The following CBFA2T2 variants were observed in gnomAD, a reference collection of about 807,000 sequenced individuals.
The protein encoded by CBFA2T2 is protein CBFA2T2.
A neutral mutation model predicts 62.2 loss-of-function variants in CBFA2T2; 11 were observed. That is an observed-to-expected ratio of 0.18 (90% CI 0.11 to 0.29). CBFA2T2 has a LOEUF of 0.29. CBFA2T2 is among the 10% of genes least tolerant of loss of function. CBFA2T2 has a pLI of 1.00. For synonymous variants in CBFA2T2, 295 were observed against 287.5 expected, an observed-to-expected ratio of 1.03 and a Z score of -0.27; for missense variants, 592 against 774.1, an observed-to-expected ratio of 0.76 and a Z score of 2.79.
chr20:33,507,648 C>T (rs993772624), intron 1 of CBFA2T2, among the ~76,000 whole-genome samples: 3 of 152,094 alleles, frequency 2.0e-5, no homozygotes, highest in Non-Finnish European at 4.4e-5. Flanking sequence ...CATATAATGT[C>T]GGTAGGTAAA....
At chr20:33,553,271 C>A (rs539156110) in intron 1 of CBFA2T2, among the ~76,000 whole-genome samples, 1 of 152,130 alleles carries the variant, frequency 6.6e-6, no homozygotes, top group Non-Finnish European at 1.5e-5. Flanking sequence ...GTTACCCAGG[C>A]GGGAGTGCAA....
chr20:33,582,704 A>C (rs1380885515), intron 1 of CBFA2T2, among the ~76,000 whole-genome samples: 1 of 151,928 alleles, frequency 6.6e-6, no homozygotes, highest in African/African-American at 2.4e-5. Context: ...CATTTTGGGA[A>C]GCCAAGGCAG....
At chr20:33,583,119 A>T (rs1011499830) in intron 1 of CBFA2T2, among the ~76,000 whole-genome samples, 1 of 152,040 alleles carries the variant, frequency 6.6e-6, no homozygotes, top group African/African-American at 2.4e-5. Flanking sequence ...GTGTTGCTAT[A>T]TATTTATCTG....
At chr20:33,636,258 CAAA>C (rs34178424) in intron 8 of CBFA2T2, among the ~76,000 whole-genome samples, 2 of 75,104 alleles carry the variant, frequency 2.7e-5, no homozygotes, top group Admixed American at 1.4e-4. Flanking sequence ...GACTCCGTCT[CAAA>C]AAAAAAAAAA....
At chr20:33,536,271 C>T (rs1157300765) in intron 1 of CBFA2T2, among the ~76,000 whole-genome samples, 5 of 147,150 alleles carry the variant, frequency 3.4e-5, no homozygotes, top group African/African-American at 9.7e-5. Flanking sequence ...CCTCATCTCC[C>T]AGACGGGGCG....
chr20:33,627,185 C>A (rs1284343838), intron 6 of CBFA2T2, among the ~76,000 whole-genome samples: 1 of 152,062 alleles, frequency 6.6e-6, no homozygotes, highest in Non-Finnish European at 1.5e-5. Context: ...ATCGTGAGGT[C>A]AGGAGATCGA....
intron 1 of CBFA2T2, among the ~76,000 whole-genome samples, chr20:33,553,880 G>A (rs939486861): frequency 3.3e-5 from 5 of 152,022 alleles, no homozygotes; most frequent in African/African-American, 9.7e-5. Context: ...TTAAAGTAAT[G>A]TAAAATACAA....
At chr20:33,552,048 T>C (rs1400246368) in intron 1 of CBFA2T2, among the ~76,000 whole-genome samples, 1 of 151,936 alleles carries the variant, frequency 6.6e-6, no homozygotes, top group Non-Finnish European at 1.5e-5. Flanking sequence ...ATTTTCAAGA[T>C]CACTTTTGAG....
intron 1 of CBFA2T2, among the ~76,000 whole-genome samples, chr20:33,536,597 A>G (rs1176328151): frequency 6.8e-6 from 1 of 147,604 alleles, no homozygotes; most frequent in East Asian, 2.1e-4. Flanking sequence ...TGCCGGGCGG[A>G]GGGGCTCCTC....
At chr20:33,533,695 C>T (rs1025606247) in intron 1 of CBFA2T2, among the ~76,000 whole-genome samples, 1 of 151,880 alleles carries the variant, frequency 6.6e-6, no homozygotes, top group Non-Finnish European at 1.5e-5. Flanking sequence ...AGATGGGAAC[C>T]GGGCGTGGTG....
intron 1 of CBFA2T2, among the ~76,000 whole-genome samples, chr20:33,584,448 G>A (rs947075915): frequency 4.0e-5 from 6 of 151,236 alleles, no homozygotes; most frequent in African/African-American, 1.2e-4. Context: ...GTAGAGACGG[G>A]GTTTCACCAT....
At chr20:33,598,712 T>C (rs1346738587) in intron 1 of CBFA2T2, among the ~76,000 whole-genome samples, 21 of 152,160 alleles carry the variant, frequency 1.4e-4, no homozygotes, top group Non-Finnish European at 1.5e-5. Flanking sequence ...AGAGTATTGA[T>C]TGGGGAAGTG....
intron 1 of CBFA2T2, among the ~76,000 whole-genome samples, chr20:33,606,097 G>A (rs1370884994): frequency 6.6e-6 from 1 of 152,094 alleles, no homozygotes; most frequent in Non-Finnish European, 1.5e-5. Context: ...AGGTTTACAG[G>A]CATGAGCCAC....
At chr20:33,539,686 TG>T (rs957351767) in intron 1 of CBFA2T2, among the ~76,000 whole-genome samples, 12 of 146,136 alleles carry the variant, frequency 8.2e-5, no homozygotes, top group Non-Finnish European at 1.5e-5. Flanking sequence ...TTGTTTTTTG[TG>T]TTTTTTTTTT....
In CBFA2T2 at chr20:33,647,276, G is replaced by A. The variant is rs1401714279; in HGVS notation, c.*2630G>A. On this transcript the variant is annotated 3_prime_UTR_variant, in exon 11 of 11. Transcript: ENST00000342704. ...TAACACCTTAAGCAGGTTTTTTATTGTTATTTTGTTTGTTTGTTTGTTTTG... is the reference window on the plus strand; with the variant it reads ...TAACACCTTAAGCAGGTTTTTTATTATTATTTTGTTTGTTTGTTTGTTTTG... The A allele has an allele frequency of 5.3e-5, 8 of 152,084 alleles. No homozygotes were observed. The highest frequency in any genetic ancestry group is 5.2e-4 in the Admixed American group (8 of 15,264). 9.4% of individuals were successfully genotyped at this position (152,084 alleles called of 1,614,324 possible).
In CBFA2T2 at chr20:33,538,848, G is replaced by T. The variant is rs550548263; in HGVS notation, c.34+48547G>T. Among the ~76,000 whole-genome samples the T allele has an allele frequency of 7.7e-4, 103 of 133,998 alleles. No homozygotes were observed. The South Asian group carries it at 9.8e-3, about 13-fold the overall frequency. 87.9% of individuals were successfully genotyped at this position (133,998 alleles called of 152,430 possible). ...CTTAGATATTATCATATTGTTGTTT[G>T]TTTTTTTTTTTTAATTAGTTAATGG... On this transcript the variant is annotated intron_variant, in intron 1 of 10. Coordinates refer to ENST00000342704, the MANE Select transcript of CBFA2T2 (RefSeq NM_001032999.3).
chr20:33,629,791 T>C lies in CBFA2T2; in HGVS notation c.1105T>C (p.Ser369Pro). The C allele has an allele frequency of 6.2e-7, 1 of 1,614,104 alleles. No homozygotes were observed. The highest frequency in any genetic ancestry group is 8.5e-7 in the Non-Finnish European group (1 of 1,180,032). Residue 369 changes from serine (S) to proline (P), a missense_variant, in exon 8 of 11, where the codon TCA becomes CCA. Physicochemically the swap from Ser to Pro is moderately conservative, Grantham distance 74. Coordinates refer to ENST00000342704, the MANE Select transcript of CBFA2T2 (RefSeq NM_001032999.3). ...SMAVLRRCQE[S>P]DREELNYWKR... is the part of the protein sequence containing the mutation. ...GGCAGTTCTGCGGCGCTGTCAGGAA[T>C]CAGATCGTGAAGAACTCAACTACTG...
In CBFA2T2 at chr20:33,606,951, T is replaced by A; in HGVS notation, c.35-5T>A. 9.3e-6 allele frequency: 15 copies of A among 1,612,704 alleles called. No homozygotes were observed. The highest frequency in any genetic ancestry group is 1.3e-5 in the Non-Finnish European group (15 of 1,179,236). ...CCTAACCTCCATTTCTCTGATTCTC[T>A]GCAGTTGGTCCTGAGAAAAGGGTGC... is the stretch of plus-strand genomic sequence containing the variant. On this transcript the variant is annotated splice_region_variant and splice_polypyrimidine_tract_variant and intron_variant, in intron 1 of 10. Coordinates refer to ENST00000342704, the MANE Select transcript of CBFA2T2 (RefSeq NM_001032999.3).
At chr20:33,572,789 G>T (rs1351421128) in intron 1 of CBFA2T2, among the ~76,000 whole-genome samples, 1 of 152,218 alleles carries the variant, frequency 6.6e-6, no homozygotes, top group East Asian at 1.9e-4. Flanking sequence ...ATTTCATTCT[G>T]AGTGATGGGT....
Sources: gnomAD v4.1 joint callset for allele counts (sites outside exome capture counted in the v4.1 genomes callset) on GRCh38, gnomAD v4.1.1 for gene constraint, MANE v1.5 for transcripts, NCBI Gene and HGNC (gene_info 2026-07-23, HGNC 2026-07-21) for gene names.